Variants in IQCH observed in about 807,000 individuals in gnomAD.
IQCH encodes IQ domain-containing protein H.
Under a neutral mutation model 117.0 loss-of-function variants are expected in IQCH, and 98 were observed. That is an observed-to-expected ratio of 0.84 (90% CI 0.71 to 0.99). The LOEUF (loss-of-function observed/expected upper bound fraction) is 0.99, where lower values mean the gene tolerates loss of function less well. IQCH is among the 50% of genes least tolerant of loss of function. The probability of loss-of-function intolerance (pLI) is 0.00; values close to 1 mark genes in which losing one functional copy is unlikely to be tolerated. For synonymous variants in IQCH, 412 were observed against 448.2 expected, an observed-to-expected ratio of 0.92 and a Z score of 1.02; for missense variants, 1,102 against 1,243.8, an observed-to-expected ratio of 0.89 and a Z score of 1.72.
chr15:67,436,173 A>G lies in IQCH; in HGVS notation c.2505+14596A>G, dbSNP rs957983286. 6.6e-6 allele frequency among the ~76,000 whole-genome samples: 1 copy of G among 152,022 alleles called. No individual in the cohort carries two copies. The highest frequency in any genetic ancestry group is 2.4e-5 in the African/African-American group (1 of 41,390). Reference sequence around the variant, plus strand: ...TGATGGCTCCATATTCAATAAATGTATTATCGAGACCCACTGAAGGAAGCC... The same window carrying G: ...TGATGGCTCCATATTCAATAAATGTGTTATCGAGACCCACTGAAGGAAGCC... On this transcript the variant is annotated intron_variant, in intron 16 of 20. Coordinates refer to ENST00000335894, the MANE Select transcript of IQCH (RefSeq NM_001031715.3). This position sits in a 1 kb window ranked among gnomAD's most constrained non-coding sequence, Gnocchi z 5.1.
chr15:67,394,154 C>T (rs547810786), intron 12 of IQCH, among the ~76,000 whole-genome samples: 1 of 152,242 alleles, frequency 6.6e-6, no homozygotes, highest in South Asian at 2.1e-4. Flanking sequence ...TTATTCTATC[C>T]TTAGGTAATG....
In IQCH at chr15:67,493,739, A is replaced by G. The variant is rs551099595; in HGVS notation, c.2862-519A>G. ...TTTGTTACATATGTATCCATGTGCCATGTTAGTGTCCTGCACCCATTAACT... is the reference window on the plus strand; with the variant it reads ...TTTGTTACATATGTATCCATGTGCCGTGTTAGTGTCCTGCACCCATTAACT... On this transcript the variant is annotated intron_variant, in intron 19 of 20. Coordinates refer to ENST00000335894, the MANE Select transcript of IQCH (RefSeq NM_001031715.3). This position sits in a 1 kb window ranked among gnomAD's most constrained non-coding sequence, Gnocchi z 5.1. 1.3e-5 allele frequency among the ~76,000 whole-genome samples: 2 copies of G among 152,276 alleles called. No homozygotes were observed. Among genetic ancestry groups the G allele is most frequent in the African/African-American group, 2.4e-5 (1 of 41,554 alleles).
chr15:67,411,302 G>C lies in IQCH; in HGVS notation c.2098-5629G>C, dbSNP rs1360511828. The stretch of plus-strand genomic sequence containing the variant: ...TACCCAGGAGTCAGAGGCAGCCAGA[G>C]AGCACCTGCGGCCTCCCAGTGTGAC... On this transcript the variant is annotated intron_variant, in intron 14 of 20. Coordinates refer to ENST00000335894, the MANE Select transcript of IQCH (RefSeq NM_001031715.3). The surrounding 1 kb of genome is among the most constrained non-coding windows in gnomAD (Gnocchi z 4.4). 6.6e-6 allele frequency among the ~76,000 whole-genome samples: 1 copy of C among 152,184 alleles called. No individual in the cohort carries two copies. Among genetic ancestry groups the C allele is most frequent in the Non-Finnish European group, 1.5e-5 (1 of 68,024 alleles).
Position 67,381,720 on chromosome 15 carries a change from C to CA in IQCH, c.1373-3216_1373-3215insA, listed in dbSNP as rs1970935094. ...GACAGGCCGGACATGGTGGCTCATGCCTATAATACCAGCACTTTGGGAGGC... is the reference window on the plus strand; with the variant it reads ...GACAGGCCGGACATGGTGGCTCATGCACTATAATACCAGCACTTTGGGAGGC... On this transcript the variant is annotated intron_variant, in intron 10 of 20. Coordinates refer to ENST00000335894, the MANE Select transcript of IQCH (RefSeq NM_001031715.3). This position sits in a 1 kb window ranked among gnomAD's most constrained non-coding sequence, Gnocchi z 5.1. Among the ~76,000 whole-genome samples, 1 of 152,112 alleles carries CA rather than the reference C, an allele frequency of 6.6e-6. No homozygotes were observed.
chr15:67,454,319 G>A lies in IQCH; in HGVS notation c.2506-10808G>A, dbSNP rs11632214. On this transcript the variant is annotated intron_variant, in intron 16 of 20. Transcript: ENST00000335894. This position sits in a 1 kb window ranked among gnomAD's most constrained non-coding sequence, Gnocchi z 5.2. ...GCAGAAATCACCCGTCTTCTGCGTCGCTCACGCTGGGAGCTGTAGACCGGA... is the reference window on the plus strand; with the variant it reads ...GCAGAAATCACCCGTCTTCTGCGTCACTCACGCTGGGAGCTGTAGACCGGA... Among the ~76,000 whole-genome samples the A allele has an allele frequency of 0.15, 22,948 of 152,130 alleles. 1,751 individuals carry two copies. Among genetic ancestry groups the A allele is most frequent in the East Asian group, 0.2 (1,040 of 5,168 alleles).
intron 13 of IQCH, among the ~76,000 whole-genome samples, chr15:67,399,331 T>G (rs1336369774): frequency 6.6e-6 from 1 of 152,218 alleles, no homozygotes; most frequent in Non-Finnish European, 1.5e-5. Flanking sequence ...TGCAAAGAAC[T>G]GACATGAGCC....
chr15:67,322,634 G>A (rs1251010321), intron 4 of IQCH, among the ~76,000 whole-genome samples: 2 of 152,176 alleles, frequency 1.3e-5, no homozygotes, highest in South Asian at 2.1e-4. Flanking sequence ...AGCCCGCCTA[G>A]GTTACATACA....
At chr15:67,373,668 G>T in intron 10 of IQCH, 1 of 604,566 alleles carries the variant, frequency 1.7e-6, no homozygotes, top group Non-Finnish European at 2.9e-6. Context: ...GAGGTGATTT[G>T]CTGTAATTCG....
intron 16 of IQCH, among the ~76,000 whole-genome samples, chr15:67,438,398 A>T (rs1418626660): frequency 6.6e-6 from 1 of 152,244 alleles, no homozygotes; most frequent in Admixed American, 6.5e-5. Context: ...TGCTAAAAGG[A>T]GCTCTAAATC....
intron 4 of IQCH, among the ~76,000 whole-genome samples, chr15:67,330,540 T>C (rs988285829): frequency 2.6e-5 from 4 of 152,118 alleles, no homozygotes; most frequent in African/African-American, 9.7e-5. Flanking sequence ...TCCTACTGTA[T>C]TTAAGTGGCA....
chr15:67,436,534 T>C lies in IQCH; in HGVS notation c.2505+14957T>C, dbSNP rs577698188. 3.9e-5 allele frequency among the ~76,000 whole-genome samples: 6 copies of C among 152,218 alleles called. No individual in the cohort carries two copies. In the East Asian group the frequency reaches 9.7e-4, roughly 25 times the overall value. The stretch of plus-strand genomic sequence containing the variant: ...GGAGAAGGAATTCTCTAGCTAAAGT[T>C]TGTAACAACTTGAACAGGGTGAGAA... On this transcript the variant is annotated intron_variant, in intron 16 of 20. Coordinates refer to ENST00000335894, the MANE Select transcript of IQCH (RefSeq NM_001031715.3). This position sits in a 1 kb window ranked among gnomAD's most constrained non-coding sequence, Gnocchi z 5.1.
At chr15:67,486,129 C>G (rs930051502) in intron 18 of IQCH, among the ~76,000 whole-genome samples, 2 of 141,092 alleles carry the variant, frequency 1.4e-5, no homozygotes, top group Non-Finnish European at 3.0e-5. Context: ...CTGCCAAGTT[C>G]AAGCAATTCT....
chr15:67,362,149 C>CCACACACACACACA (rs5813439), intron 8 of IQCH, among the ~76,000 whole-genome samples: 2 of 150,398 alleles, frequency 1.3e-5, no homozygotes, highest in East Asian at 3.9e-4. Context: ...TACGCACACA[C>CCACACACACACACA]CACACACACA....
In IQCH at chr15:67,447,912, A is replaced by T. The variant is rs964061652; in HGVS notation, c.2506-17215A>T. ...TATATATTCTTTCTTCCAGATCATG[A>T]CTGCTTATGGTGGCCCATATATTAA... is the stretch of plus-strand genomic sequence containing the variant. On this transcript the variant is annotated intron_variant, in intron 16 of 20. Coordinates refer to ENST00000335894, the MANE Select transcript of IQCH (RefSeq NM_001031715.3). This position sits in a 1 kb window ranked among gnomAD's most constrained non-coding sequence, Gnocchi z 5.3. Among the ~76,000 whole-genome samples, 4 of 152,180 alleles carry T rather than the reference A, an allele frequency of 2.6e-5. No homozygotes were observed. Among genetic ancestry groups the T allele is most frequent in the African/African-American group, 9.7e-5 (4 of 41,436 alleles).
chr15:67,494,902 C>G lies in IQCH; in HGVS notation c.2970+536C>G, dbSNP rs559149843. Among the ~76,000 whole-genome samples the G allele has an allele frequency of 1.6e-4, 24 of 152,258 alleles. 1 individual carries two copies. In the South Asian group the frequency reaches 4.6e-3, roughly 29 times the overall value. On this transcript the variant is annotated intron_variant, in intron 20 of 20. Transcript: ENST00000335894. The surrounding 1 kb of genome is among the most constrained non-coding windows in gnomAD (Gnocchi z 5.5). ...TTATTTCACTACTAACCTTTAGAAG[C>G]CTTCTTATGACCTTTAAAGATGTTG...
At position 67,365,171 on chromosome 15, in the gene IQCH, C is replaced by T. The variant is rs1244505444; in HGVS notation, c.753+5286C>T. 2.0e-5 allele frequency among the ~76,000 whole-genome samples: 3 copies of T among 152,148 alleles called. No homozygotes were observed. The highest frequency in any genetic ancestry group is 2.9e-5 in the Non-Finnish European group (2 of 68,028). ...ATGTTGCCCAGGCTGGTCTGGAACT[C>T]GTGGACTCAAGTGATCTGCCTGCCT... On this transcript the variant is annotated intron_variant, in intron 8 of 20. Transcript: ENST00000335894. This position sits in a 1 kb window ranked among gnomAD's most constrained non-coding sequence, Gnocchi z 4.4.
At chr15:67,299,643 T>G (rs1966924254) in intron 4 of IQCH, among the ~76,000 whole-genome samples, 1 of 152,176 alleles carries the variant, frequency 6.6e-6, no homozygotes, top group Non-Finnish European at 1.5e-5. Context: ...CCAGGTCATT[T>G]GTCATATAGG....
At chr15:67,464,735 T>C (rs958922904) in intron 16 of IQCH, among the ~76,000 whole-genome samples, 1 of 152,202 alleles carries the variant, frequency 6.6e-6, no homozygotes, top group Non-Finnish European at 1.5e-5. Context: ...TCTTTTCCCG[T>C]CTTTCTGCTC....
intron 5 of IQCH, among the ~76,000 whole-genome samples, chr15:67,340,833 A>G (rs1256572989): frequency 6.6e-6 from 1 of 152,228 alleles, no homozygotes; most frequent in Non-Finnish European, 1.5e-5. Flanking sequence ...ATGGGAGATA[A>G]GGAACTTCCT....
Sources: gnomAD v4.1 joint callset for allele counts (sites outside exome capture counted in the v4.1 genomes callset) on GRCh38, gnomAD v4.1.1 for gene constraint, Gnocchi (gnomAD v3.1) non-coding constraint, MANE v1.5 for transcripts, NCBI Gene and HGNC (gene_info 2026-07-23, HGNC 2026-07-21) for gene names.